The following SLC4A4 variants were observed in gnomAD, a reference collection of about 807,000 sequenced individuals.
SLC4A4 encodes the protein solute carrier family 4 member 4, also known as electrogenic sodium bicarbonate cotransporter 1.
A neutral mutation model predicts 111.5 loss-of-function variants in SLC4A4; 27 were observed. That is an observed-to-expected ratio of 0.24 (90% confidence interval 0.18 to 0.33). The LOEUF is 0.33. SLC4A4 is among the 10% of genes least tolerant of loss of function. SLC4A4 has a pLI of 1.00. For missense variants in SLC4A4, 909 were observed against 1,315.5 expected, an observed-to-expected ratio of 0.69 and a Z score of 4.78; for synonymous variants, 443 against 463.4, an observed-to-expected ratio of 0.96 and a Z score of 0.57.
rs116488863 is a variant in SLC4A4 at position 71,181,392 on chromosome 4, A to G, written c.-1-55184A>G. Among the ~76,000 whole-genome samples the G allele has an allele frequency of 7.9e-3, 1,207 of 152,260 alleles. 18 individuals are homozygous for G. Among genetic ancestry groups the G allele is most frequent in the African/African-American group, 0.027 (1,137 of 41,546 alleles). ...AAAAATAATTTGTAAAGTATGAATG[A>G]TTCAGTGATAAGTCTTCCTCCCTAT... On this transcript the variant is annotated intron_variant, in intron 2 of 26. Coordinates refer to the SLC4A4 transcript ENST00000649996.
chr4:71,561,440 G>C (rs975214437), intron 23 of SLC4A4, among the ~76,000 whole-genome samples: 3 of 151,726 alleles, frequency 2.0e-5, no homozygotes, highest in Admixed American at 6.6e-5. Flanking sequence ...TCAAATCCAG[G>C]CCTCTCTGGT....
chr4:71,136,368 A>G (rs961127642), intron 2 of SLC4A4, among the ~76,000 whole-genome samples: 1 of 152,154 alleles, frequency 6.6e-6, no homozygotes. Flanking sequence ...AGTTCTCTTG[A>G]GAGAGAGCCA....
chr4:71,532,771 A>T (rs1043647728), intron 17 of SLC4A4, among the ~76,000 whole-genome samples: 18 of 152,156 alleles, frequency 1.2e-4, no homozygotes, highest in Admixed American at 7.9e-4. Flanking sequence ...AGAATTAAGT[A>T]AAATGCCTAA....
At chr4:71,450,633 G>C (rs978673816) in intron 10 of SLC4A4, 90 bp downstream of exon 10, 15 of 1,237,848 alleles carry the variant, frequency 1.2e-5, no homozygotes, top group Non-Finnish European at 1.6e-5. Context: ...TCAACCTGTT[G>C]TTCTAATATT....
At chr4:71,504,796 G>A (rs185263634) in intron 16 of SLC4A4, among the ~76,000 whole-genome samples, 2 of 151,976 alleles carry the variant, frequency 1.3e-5, no homozygotes, top group East Asian at 1.9e-4. Context: ...TTGTGCCATG[G>A]TGGTTTGCTG....
intron 3 of SLC4A4, among the ~76,000 whole-genome samples, chr4:71,262,145 A>G (rs1457645868): frequency 6.6e-6 from 1 of 152,172 alleles, no homozygotes; most frequent in Non-Finnish European, 1.5e-5. Flanking sequence ...TGTGATTTGA[A>G]TGCACTGAAA....
At chr4:71,193,285 G>T (rs540318419) in intron 1 of SLC4A4, among the ~76,000 whole-genome samples, 1 of 152,046 alleles carries the variant, frequency 6.6e-6, no homozygotes, top group Non-Finnish European at 1.5e-5. Context: ...TCAGCCTCCC[G>T]AGTAGCTGGG....
In SLC4A4 at chr4:71,538,300, G is replaced by A. The variant is rs553739229; in HGVS notation, c.2442+3912G>A. 3.8e-3 allele frequency among the ~76,000 whole-genome samples: 577 copies of A among 152,070 alleles called. 4 individuals are homozygous for A. The highest frequency in any genetic ancestry group is 0.013 in the African/African-American group (554 of 41,496). Reference sequence around the variant, plus strand: ...ACAGACATTTTTAATCTTATTTTCAGTAGAAAACATTAGAAAATCAAGGTT... The same window carrying A: ...ACAGACATTTTTAATCTTATTTTCAATAGAAAACATTAGAAAATCAAGGTT... On this transcript the variant is annotated intron_variant, in intron 18 of 25. Coordinates refer to ENST00000264485, the MANE Select transcript of SLC4A4 (RefSeq NM_001098484.3).
At chr4:71,453,396 A>T in intron 11 of SLC4A4, 99 bp from the exon 12 acceptor site, 1 of 1,185,146 alleles carries the variant, frequency 8.4e-7, no homozygotes, top group Non-Finnish European at 1.3e-6. Context: ...TGATTCAAGC[A>T]TTTTAAATAT....
intron 3 of SLC4A4, among the ~76,000 whole-genome samples, chr4:71,288,899 T>C (rs1248688612): frequency 6.6e-6 from 1 of 152,210 alleles, no homozygotes. Context: ...TTTTCTTTTT[T>C]TTGTATGATT....
At chr4:71,281,900 T>C (rs79778616) in intron 3 of SLC4A4, among the ~76,000 whole-genome samples, 237 of 151,830 alleles carry the variant, frequency 1.6e-3, no homozygotes, top group Admixed American at 3.2e-3. Context: ...GAGGCAAGGG[T>C]CATTTGATCT....
intron 17 of SLC4A4, 150 bp downstream of exon 17, chr4:71,532,325 T>C: frequency 1.5e-6 from 1 of 660,054 alleles, no homozygotes; most frequent in East Asian, 2.7e-5. Context: ...CATATATACA[T>C]GTAGTTTAAT....
chr4:71,316,910 T>G (rs903978967), intron 3 of SLC4A4, among the ~76,000 whole-genome samples: 1 of 152,078 alleles, frequency 6.6e-6, no homozygotes, highest in Non-Finnish European at 1.5e-5. Context: ...TTTAAAGAGA[T>G]AGAATCTTGC....
At chr4:71,487,725 A>G (rs1015812660) in intron 15 of SLC4A4, among the ~76,000 whole-genome samples, 1 of 151,634 alleles carries the variant, frequency 6.6e-6, no homozygotes, top group African/African-American at 2.4e-5. Context: ...TTGTGTTGAT[A>G]GAGTGCCCAT....
Position 71,229,819 on chromosome 4 carries a change from T to TG in SLC4A4, c.-1-6757_-1-6756insG, listed in dbSNP as rs570405277. On this transcript the variant is annotated intron_variant, in intron 1 of 25. Transcript: ENST00000264485. The stretch of plus-strand genomic sequence containing the variant: ...TCTTAGAGCCCCTGCGAAGTTTTTT[T>TG]TTTTTTTTTTTTTTCCCAGCCCCTG... Among the ~76,000 whole-genome samples the TG allele has an allele frequency of 9.3e-4, 141 of 151,742 alleles. 1 individual carries two copies. Among genetic ancestry groups the TG allele is most frequent in the Non-Finnish European group, 1.3e-3 (89 of 67,930 alleles).
chr4:71,327,179 C>T (rs1260494495), intron 3 of SLC4A4, among the ~76,000 whole-genome samples: 2 of 151,868 alleles, frequency 1.3e-5, no homozygotes, highest in Non-Finnish European at 2.9e-5. Flanking sequence ...CTTCCTATAC[C>T]AAAACCAAAA....
At chr4:71,447,019 T>G (rs1420077745) in intron 8 of SLC4A4, among the ~76,000 whole-genome samples, 1 of 152,228 alleles carries the variant, frequency 6.6e-6, no homozygotes, top group African/African-American at 2.4e-5. Flanking sequence ...AAAATGTTGG[T>G]AAATGACAAG....
intron 2 of SLC4A4, among the ~76,000 whole-genome samples, chr4:71,178,378 A>C (rs918594156): frequency 2.7e-5 from 4 of 150,840 alleles, no homozygotes; most frequent in African/African-American, 1.0e-4. Context: ...AAGGAAACAG[A>C]GACACAAAAA....
Position 71,570,617 on chromosome 4 carries a change from A to C in SLC4A4, c.*2866A>C, listed in dbSNP as rs1294834015. ...CCCTTCTCCATGATGTGACTTCCGGAGATAAAGGATTCAAAAGATAAAGAC... is the reference window on the plus strand; with the variant it reads ...CCCTTCTCCATGATGTGACTTCCGGCGATAAAGGATTCAAAAGATAAAGAC... On this transcript the variant is annotated 3_prime_UTR_variant, in exon 26 of 26. Coordinates refer to ENST00000264485, the MANE Select transcript of SLC4A4 (RefSeq NM_001098484.3). 1 of 152,150 alleles carries C rather than the reference A, an allele frequency of 6.6e-6. No homozygotes were observed. The highest frequency in any genetic ancestry group is 1.5e-5 in the Non-Finnish European group (1 of 67,834). 9.4% of individuals were successfully genotyped at this position (152,150 alleles called of 1,614,324 possible).
Sources: gnomAD v4.1 joint callset for allele counts (sites outside exome capture counted in the v4.1 genomes callset) on GRCh38, gnomAD v4.1.1 for gene constraint, MANE v1.5 for transcripts, NCBI Gene and HGNC (gene_info 2026-07-23, HGNC 2026-07-21) for gene names.